PRKN: variants seen among roughly 807,000 people sequenced by gnomAD.
PRKN encodes the protein parkin RBR E3 ubiquitin protein ligase, also known as E3 ubiquitin-protein ligase parkin.
In PRKN, 56 loss-of-function variants were observed where a neutral mutation model predicts 59.5. The observed-to-expected ratio is 0.94, with a 90% confidence interval of 0.76 to 1.18. The LOEUF is 1.18. PRKN is among the 50% of genes most tolerant of loss of function. The pLI, the probability that PRKN is intolerant of heterozygous loss-of-function variation, is 0.00. For synonymous variants in PRKN, 250 were observed against 222.1 expected, an observed-to-expected ratio of 1.13 and a Z score of -1.12; for missense variants, 657 against 596.4, an observed-to-expected ratio of 1.10 and a Z score of -1.06.
chr6:162,012,050 T>G (rs1782747978), intron 5 of PRKN, among the ~76,000 whole-genome samples: 1 of 152,126 alleles, frequency 6.6e-6, no homozygotes, highest in Non-Finnish European at 1.5e-5. Flanking sequence ...TTTCCATGCA[T>G]TGTTAAATAC....
At position 161,525,499 on chromosome 6, in the gene PRKN, A is replaced by G. The variant is rs761069106; in HGVS notation, c.1083+23355T>C. Among the ~76,000 whole-genome samples, 8 of 152,168 alleles carry G rather than the reference A, an allele frequency of 5.3e-5. No homozygotes were observed. Among genetic ancestry groups the G allele is most frequent in the Non-Finnish European group, 1.0e-4 (7 of 68,024 alleles). On this transcript the variant is annotated intron_variant, in intron 9 of 11. Coordinates refer to ENST00000366898, the MANE Select transcript of PRKN (RefSeq NM_004562.3). The surrounding 1 kb of genome is among the most constrained non-coding windows in gnomAD (Gnocchi z 4.7). ...GGTCAGGGATATTGGGAGCAGGAGA[A>G]CTGTGGTGCTGCATGAATTTAAGGG...
intron 4 of PRKN, among the ~76,000 whole-genome samples, chr6:162,055,065 G>C (rs572616710): frequency 5.9e-5 from 9 of 152,172 alleles, no homozygotes; most frequent in Admixed American, 3.9e-4. Flanking sequence ...AGGAGGCCAA[G>C]GTAGGAGAAT....
intron 1 of PRKN, among the ~76,000 whole-genome samples, chr6:162,631,264 TTAAA>T (rs1254176678): frequency 6.6e-6 from 1 of 152,170 alleles, no homozygotes; most frequent in Non-Finnish European, 1.5e-5. Context: ...CTCAAATATA[TTAAA>T]TAGTCTATAA....
At chr6:161,512,767 T>C (rs1043239197) in intron 9 of PRKN, among the ~76,000 whole-genome samples, 7 of 152,200 alleles carry the variant, frequency 4.6e-5, no homozygotes. Flanking sequence ...TGACTCTTAC[T>C]TGCCGTCCTC....
chr6:162,218,041 G>A lies in PRKN; in HGVS notation c.413-16789C>T, dbSNP rs76491754. ...ACACAGCTCCAGCACAGAACTGCAC[G>A]CCGGGGTGACAGGTCTGCCTTTCAG... On this transcript the variant is annotated intron_variant, in intron 3 of 11. Coordinates refer to ENST00000366898, the MANE Select transcript of PRKN (RefSeq NM_004562.3). Among the ~76,000 whole-genome samples, 855 of 152,270 alleles carry A rather than the reference G, an allele frequency of 5.6e-3. 14 individuals carry two copies. Among genetic ancestry groups the A allele is most frequent in the African/African-American group, 0.019 (806 of 41,552 alleles).
At chr6:161,827,187 C>T (rs1350001964) in intron 6 of PRKN, among the ~76,000 whole-genome samples, 1 of 152,176 alleles carries the variant, frequency 6.6e-6, no homozygotes. Context: ...TTCCCACTCA[C>T]ACTTAATCAC....
chr6:162,100,710 GGGATTACAGGCATGAGCC>G (rs1779932074), intron 4 of PRKN, among the ~76,000 whole-genome samples: 1 of 152,088 alleles, frequency 6.6e-6, no homozygotes, highest in Admixed American at 6.5e-5. Flanking sequence ...CCAAAGTGCT[GGGATTACAGGCATGAGCC>G]ACCGTGCCCG....
chr6:162,520,656 A>G (rs1242609205), intron 1 of PRKN, among the ~76,000 whole-genome samples: 2 of 152,180 alleles, frequency 1.3e-5, no homozygotes, highest in Non-Finnish European at 2.9e-5. Context: ...TTGTCTTACA[A>G]TTGCCTCTGT....
intron 1 of PRKN, among the ~76,000 whole-genome samples, chr6:162,471,247 G>A (rs1772016734): frequency 6.6e-6 from 1 of 151,748 alleles, no homozygotes; most frequent in African/African-American, 2.4e-5. Flanking sequence ...ACAGTCACCT[G>A]CCACCGCTCC....
At chr6:162,513,518 AAGAG>A (rs1562346416) in intron 1 of PRKN, among the ~76,000 whole-genome samples, 2 of 151,524 alleles carry the variant, frequency 1.3e-5, no homozygotes, top group African/African-American at 4.8e-5. Context: ...GAAAGAAGGA[AAGAG>A]AGAGAGAAAG....
In PRKN at chr6:162,056,230, C is replaced by T. The variant is rs974312786; in HGVS notation, c.535-2056G>A. ...GCACATGTATCCCTCACACCCCACA[C>T]GCCTAACACACCCCACACACATACA... On this transcript the variant is annotated intron_variant, in intron 4 of 11. Transcript: ENST00000366898. This position sits in a 1 kb window ranked among gnomAD's most constrained non-coding sequence, Gnocchi z 4.9. Among the ~76,000 whole-genome samples, 12 of 151,136 alleles carry T rather than the reference C, an allele frequency of 7.9e-5. No individual in the cohort carries two copies. The highest frequency in any genetic ancestry group is 2.1e-4 in the South Asian group (1 of 4,756).
intron 2 of PRKN, among the ~76,000 whole-genome samples, chr6:162,299,918 C>T (rs547390922): frequency 2.0e-5 from 3 of 152,258 alleles, no homozygotes; most frequent in South Asian, 2.1e-4. Context: ...GCTTTCACTA[C>T]AGCTTTATTC....
In PRKN at chr6:161,801,488, T is replaced by A. The variant is rs1308099723; in HGVS notation, c.735-15580A>T. The stretch of plus-strand genomic sequence containing the variant: ...CCAAGGAAATGCTGAGATTACCGTG[T>A]GACTGATTTGATTACGGGGCTTTAA... On this transcript the variant is annotated intron_variant, in intron 6 of 11. Transcript: ENST00000366898. 2.0e-5 allele frequency among the ~76,000 whole-genome samples: 3 copies of A among 152,232 alleles called. No homozygotes were observed. The East Asian group carries it at 5.8e-4, about 29-fold the overall frequency.
intron 1 of PRKN, among the ~76,000 whole-genome samples, chr6:162,559,219 C>T (rs1042773498): frequency 3.3e-4 from 50 of 150,690 alleles, no homozygotes; most frequent in African/African-American, 1.2e-3. Flanking sequence ...TTTTGTGTTA[C>T]CAGGAAATTC....
chr6:162,534,220 G>T (rs935677588), intron 1 of PRKN, among the ~76,000 whole-genome samples: 5 of 152,078 alleles, frequency 3.3e-5, no homozygotes, highest in Admixed American at 3.3e-4. Flanking sequence ...TGATGTCTTT[G>T]TCTTCCCCCA....
rs145804137 is a variant in PRKN, at chr6:162,351,378, G to A, written c.172-88613C>T. Among the ~76,000 whole-genome samples the A allele has an allele frequency of 1.2e-4, 19 of 152,246 alleles. No homozygotes were observed. The East Asian group carries it at 3.7e-3, about 29-fold the overall frequency. On this transcript the variant is annotated intron_variant, in intron 2 of 11. Coordinates refer to ENST00000366898, the MANE Select transcript of PRKN (RefSeq NM_004562.3). The stretch of plus-strand genomic sequence containing the variant: ...GGAAAATGCAAATTAAGACCACAAT[G>A]AGATACTACTACACACCTGTCAAAT...
intron 2 of PRKN, among the ~76,000 whole-genome samples, chr6:162,266,801 A>G (rs1258280879): frequency 1.3e-5 from 2 of 152,190 alleles, no homozygotes; most frequent in Non-Finnish European, 2.9e-5. Context: ...TATTGTTACC[A>G]TTTATGAGTT....
chr6:162,686,992 C>T (rs190234866), intron 1 of PRKN, among the ~76,000 whole-genome samples: 25 of 151,982 alleles, frequency 1.6e-4, no homozygotes, highest in East Asian at 7.8e-4. Context: ...TTTTGTTTTG[C>T]TTAGGCTTTG....
intron 2 of PRKN, among the ~76,000 whole-genome samples, chr6:162,307,418 A>C (rs990673156): frequency 4.0e-5 from 6 of 151,282 alleles, no homozygotes; most frequent in Non-Finnish European, 8.8e-5. Flanking sequence ...AAAAAAAAAA[A>C]CACCAACTAG....
Sources: allele counts gnomAD v4.1 joint callset (sites outside exome capture counted in the v4.1 genomes callset), GRCh38; gene constraint gnomAD v4.1.1; non-coding constraint Gnocchi (gnomAD v3.1); transcripts MANE v1.5; gene names NCBI Gene and HGNC (gene_info 2026-07-23, HGNC 2026-07-21).